CASZ1: variants seen among roughly 807,000 people sequenced by gnomAD.
CASZ1 encodes the protein castor zinc finger 1, also known as zinc finger protein castor homolog 1.
A neutral mutation model predicts 135.2 loss-of-function variants in CASZ1; 28 were observed. The observed-to-expected ratio is 0.21, with a 90% CI of 0.15 to 0.28. The LOEUF is 0.28. CASZ1 is among the 10% of genes least tolerant of loss of function. CASZ1 has a pLI of 1.00. For synonymous variants in CASZ1, 1,068 were observed against 1,073.4 expected (o/e 0.99, Z 0.10); for missense variants, 2,161 against 2,453.3 (o/e 0.88, Z 2.52).
intron 1 of CASZ1, among the ~76,000 whole-genome samples, chr1:10,769,747 C>G (rs1186415360): frequency 2.0e-5 from 3 of 152,158 alleles, no homozygotes; most frequent in African/African-American, 7.2e-5. Context: ...AAACTCCTGA[C>G]CTCAAGTGAT....
rs1346799492 is a variant in CASZ1, at chr1:10,649,055, C to T, written c.3158+15G>A. 1 of 1,611,400 alleles carries T rather than the reference C, an allele frequency of 6.2e-7. No homozygotes were observed. The highest frequency in any genetic ancestry group is 8.5e-7 in the Non-Finnish European group (1 of 1,179,418). On this transcript the variant is annotated intron_variant, in intron 15 of 20. Transcript: ENST00000377022. ...CGTGGGGCTCTGTGGAAATGGCCCC[C>T]AGCACCCTACTCACTTTGCGTGCTT...
chr1:10,678,370 C>T (rs1005838803), intron 4 of CASZ1, among the ~76,000 whole-genome samples: 1 of 151,946 alleles, frequency 6.6e-6, no homozygotes, highest in Non-Finnish European at 1.5e-5. Context: ...ATCCTATATT[C>T]CCTAAACCCT....
rs563768784 is a variant in CASZ1, at chr1:10,745,852, G to A, written c.-77+14849C>T. Among the ~76,000 whole-genome samples the A allele has an allele frequency of 8.5e-5, 13 of 152,342 alleles. No homozygotes were observed. The South Asian group carries it at 2.5e-3, about 29-fold the overall frequency. On this transcript the variant is annotated intron_variant, in intron 2 of 20. Transcript: ENST00000377022. ...TGGGAGAATTGAGAGGGACAAAAAC[G>A]GGGAAGAGCCTTGGGCACATGATCA...
At chr1:10,793,485 G>C (rs1048994407) in intron 1 of CASZ1, among the ~76,000 whole-genome samples, 3 of 152,148 alleles carry the variant, frequency 2.0e-5, no homozygotes, top group Admixed American at 1.3e-4. Context: ...GAAAAAAAGA[G>C]GAAGGCACTG....
chr1:10,737,720 G>A (rs1320282286), intron 2 of CASZ1, among the ~76,000 whole-genome samples: 23 of 152,338 alleles, frequency 1.5e-4, no homozygotes, highest in Admixed American at 1.4e-3. Flanking sequence ...CAGGCCACCC[G>A]GGCCTCCCAC....
At chr1:10,708,570 G>A (rs1003576696) in intron 2 of CASZ1, among the ~76,000 whole-genome samples, 15 of 152,164 alleles carry the variant, frequency 9.9e-5, no homozygotes, top group African/African-American at 3.1e-4. Context: ...GGTGAGGCCC[G>A]GCACTCCCTC....
At chr1:10,792,306 C>T (rs1050652224) in intron 1 of CASZ1, among the ~76,000 whole-genome samples, 1 of 103,740 alleles carries the variant, frequency 9.6e-6, no homozygotes, top group African/African-American at 3.8e-5. Flanking sequence ...ATGCTCTGTA[C>T]ATGGCTTACC....
At position 10,739,540 on chromosome 1, in the gene CASZ1, C is replaced by G. The variant is rs956958132; in HGVS notation, c.-77+21161G>C. Among the ~76,000 whole-genome samples the G allele has an allele frequency of 6.6e-6, 1 of 152,214 alleles. No individual in the cohort carries two copies. Among genetic ancestry groups the G allele is most frequent in the Non-Finnish European group, 1.5e-5 (1 of 68,040 alleles). On this transcript the variant is annotated intron_variant, in intron 2 of 20. Coordinates refer to ENST00000377022, the MANE Select transcript of CASZ1 (RefSeq NM_001079843.3). The surrounding 1 kb of genome is among the most constrained non-coding windows in gnomAD (Gnocchi z 4.8). Reference sequence around the variant, plus strand: ...AGACCTTTCCCTGAGCCCTCCGCCCCCCGGGCCCACTCCCCGTTCTCCCAG... The same window carrying G: ...AGACCTTTCCCTGAGCCCTCCGCCCGCCGGGCCCACTCCCCGTTCTCCCAG...
intron 2 of CASZ1, among the ~76,000 whole-genome samples, chr1:10,734,194 GAGTACTGAGC>G (rs1430488909): frequency 6.6e-6 from 1 of 151,060 alleles, no homozygotes; most frequent in East Asian, 2.0e-4. Flanking sequence ...TGAGCCTGTG[GAGTACTGAGC>G]ACCACTCATG....
chr1:10,751,604 C>T (rs1325729966), intron 2 of CASZ1, among the ~76,000 whole-genome samples: 3 of 152,220 alleles, frequency 2.0e-5, no homozygotes, highest in African/African-American at 4.8e-5. Flanking sequence ...AGAGGCAACA[C>T]GGGCAGGAGC....
chr1:10,794,015 G>A lies in CASZ1; in HGVS notation c.-234+2549C>T, dbSNP rs1641013045. ...GCGCTCGGGCGCCGAACGGCCCAGC[G>A]CCCCCTCCGGGCACGTGGAGCGCAG... On this transcript the variant is annotated intron_variant, in intron 1 of 20. Coordinates refer to ENST00000377022, the MANE Select transcript of CASZ1 (RefSeq NM_001079843.3). This position sits in a 1 kb window ranked among gnomAD's most constrained non-coding sequence, Gnocchi z 5.6. 6.6e-6 allele frequency among the ~76,000 whole-genome samples: 1 copy of A among 152,140 alleles called. No homozygotes were observed. Among genetic ancestry groups the A allele is most frequent in the Non-Finnish European group, 1.5e-5 (1 of 68,004 alleles).
At chr1:10,684,980 G>A (rs1638540771) in intron 4 of CASZ1, among the ~76,000 whole-genome samples, 1 of 152,254 alleles carries the variant, frequency 6.6e-6, no homozygotes, top group South Asian at 2.1e-4. Flanking sequence ...TGGACCAAAG[G>A]TCGGGAGCCT....
chr1:10,782,445 G>C (rs1640778989), intron 1 of CASZ1, among the ~76,000 whole-genome samples: 1 of 152,176 alleles, frequency 6.6e-6, no homozygotes, highest in Non-Finnish European at 1.5e-5. Flanking sequence ...AATTAAAATA[G>C]GTCTCTAAGA....
At chr1:10,748,910 A>G (rs1463595911) in intron 2 of CASZ1, among the ~76,000 whole-genome samples, 1 of 152,188 alleles carries the variant, frequency 6.6e-6, no homozygotes, top group Non-Finnish European at 1.5e-5. Context: ...CAGCCCTAAC[A>G]TCGCCACGTC....
intron 17 of CASZ1, among the ~76,000 whole-genome samples, chr1:10,645,493 G>A (rs1642341116): frequency 6.6e-6 from 1 of 152,214 alleles, no homozygotes; most frequent in Admixed American, 6.5e-5. Flanking sequence ...TCGTGCCACT[G>A]CACTCCAGCC....
chr1:10,781,392 G>A (rs1170760968), intron 1 of CASZ1, among the ~76,000 whole-genome samples: 3 of 152,250 alleles, frequency 2.0e-5, no homozygotes, highest in Non-Finnish European at 4.4e-5. Flanking sequence ...CGTCTGCGAG[G>A]AGAAGCCAAG....
At chr1:10,718,448 C>T (rs916252932) in intron 2 of CASZ1, among the ~76,000 whole-genome samples, 7 of 152,222 alleles carry the variant, frequency 4.6e-5, no homozygotes, top group African/African-American at 9.6e-5. Flanking sequence ...ATATAGCTGC[C>T]GCAGGACTCC....
At chr1:10,758,547 G>T (rs1347115220) in intron 2 of CASZ1, among the ~76,000 whole-genome samples, 1 of 152,098 alleles carries the variant, frequency 6.6e-6, no homozygotes. Context: ...GGCCAGGCTG[G>T]TCTTAAACTC....
chr1:10,643,536 C>T (rs1403834205), intron 18 of CASZ1, among the ~76,000 whole-genome samples: 3 of 152,234 alleles, frequency 2.0e-5, no homozygotes, highest in South Asian at 2.1e-4. Context: ...CTGGCAGAGG[C>T]GAGTGACAAT....
Sources: gnomAD v4.1 joint callset for allele counts (sites outside exome capture counted in the v4.1 genomes callset) on GRCh38, gnomAD v4.1.1 for gene constraint, Gnocchi (gnomAD v3.1) non-coding constraint, MANE v1.5 for transcripts, NCBI Gene and HGNC (gene_info 2026-07-23, HGNC 2026-07-21) for gene names.